Variants in OR10R2 observed in about 807,000 individuals in gnomAD.
OR10R2 encodes olfactory receptor family 10 subfamily R member 2, also known as olfactory receptor 10R2.
OR10R2 carries 1 observed loss-of-function variant against 2.4 expected under a neutral mutation model. The observed-to-expected ratio is 0.41, with a 90% CI of 0.15 to 1.95. The LOEUF is 1.95. Among genes scored for constraint, OR10R2 ranks in the 30% most tolerant of loss-of-function variants. The pLI is 0.30. For synonymous variants in OR10R2, 166 were observed against 144.8 expected (o/e 1.15, Z -1.05); for missense variants, 419 against 373.0 (o/e 1.12, Z -1.01).
At chr1:158,478,471 G>A (rs1656313412) in intron 1 of OR10R2, among the ~76,000 whole-genome samples, 1 of 152,078 alleles carries the variant, frequency 6.6e-6, no homozygotes, top group South Asian at 2.1e-4. Context: ...TGACTAAAAA[G>A]TATTCTTGTC....
At chr1:158,475,887 A>C (rs966304076) in intron 1 of OR10R2, among the ~76,000 whole-genome samples, 5 of 151,976 alleles carry the variant, frequency 3.3e-5, no homozygotes, top group Admixed American at 6.5e-5. Context: ...TTAAACTGAT[A>C]TTTAAAATGT....
At position 158,480,448 on chromosome 1, in the gene OR10R2, GC is replaced by G. The variant is rs1557877092; in HGVS notation, c.540del (p.Asn181ThrfsTer27). 6.2e-7 allele frequency: 1 copy of G among 1,612,982 alleles called. No individual in the cohort carries two copies. Among genetic ancestry groups the G allele is most frequent in the African/African-American group, 1.3e-5 (1 of 74,834 alleles). ...AGTTTTCAGCCTCCCTTTTTGTAGC[GC>G]CAACAAAGTCAATCATTACTTCTGT... is the stretch of plus-strand genomic sequence containing the variant. On this transcript the variant is annotated frameshift_variant, in exon 2 of 2. Coordinates refer to ENST00000641067, the Ensembl canonical transcript of OR10R2. LOFTEE classifies it low-confidence loss of function (END_TRUNC).
chr1:158,480,682 A>G, exon 2 of OR10R2: 4 of 1,613,676 alleles, frequency 2.5e-6, no homozygotes, highest in Non-Finnish European at 2.5e-6. Context: ...CAGTGTTGTT[A>G]TTGTTCATTA....
intron 1 of OR10R2, among the ~76,000 whole-genome samples, chr1:158,476,224 G>GT (rs1294486257): frequency 6.6e-6 from 1 of 152,016 alleles, no homozygotes; most frequent in Non-Finnish European, 1.5e-5. Flanking sequence ...TTGCTCAAAT[G>GT]TACAGACAGG....
chr1:158,473,581 A>AC (rs1656203303), intron 1 of OR10R2, among the ~76,000 whole-genome samples: 1 of 152,236 alleles, frequency 6.6e-6, no homozygotes, highest in South Asian at 2.1e-4. Flanking sequence ...TTGTTATAAG[A>AC]CATGGCTCTT....
exon 2 of OR10R2, chr1:158,480,115 T>C: frequency 1.2e-6 from 2 of 1,613,046 alleles, no homozygotes; most frequent in Non-Finnish European, 1.7e-6. Flanking sequence ...CACACCAATG[T>C]ACTTCTTCCT....
chr1:158,480,772 A>G (rs567671220), exon 2 of OR10R2: 17 of 1,613,456 alleles, frequency 1.1e-5, no homozygotes, highest in African/African-American at 6.7e-5. Flanking sequence ...GGTGACATAC[A>G]CGATTGTCAC....
exon 2 of OR10R2, chr1:158,479,960 T>C (rs1269686532): frequency 6.2e-7 from 1 of 1,613,950 alleles, no homozygotes; most frequent in Non-Finnish European, 8.5e-7. Flanking sequence ...AACCTCACCA[T>C]GGTCACCGAA....
chr1:158,472,318 G>A (rs1349990011), exon 1 of OR10R2: 2 of 398,890 alleles, frequency 5.0e-6, no homozygotes, highest in African/African-American at 2.1e-5. Context: ...CCATACAGAA[G>A]AGGCACAATG....
At chr1:158,475,145 C>A (rs574387666) in intron 1 of OR10R2, among the ~76,000 whole-genome samples, 1 of 152,094 alleles carries the variant, frequency 6.6e-6, no homozygotes, top group Admixed American at 6.5e-5. Flanking sequence ...TACCCAAAGC[C>A]AAGTTACCTT....
At chr1:158,480,111 A>G in exon 2 of OR10R2, 1 of 1,613,644 alleles carries the variant, frequency 6.2e-7, no homozygotes. Flanking sequence ...TCCACACACC[A>G]ATGTACTTCT....
At chr1:158,479,833 G>A in intron 1 of OR10R2, 105 bp from the exon 2 acceptor site, 1 of 1,216,200 alleles carries the variant, frequency 8.2e-7, no homozygotes, top group South Asian at 1.4e-5. Flanking sequence ...GTGAATAAAA[G>A]GCAAGATTCT....
rs185062168 is a variant in OR10R2, at chr1:158,474,844, C to T, written c.27+2492C>T. 2.9e-4 allele frequency among the ~76,000 whole-genome samples: 44 copies of T among 152,090 alleles called. 1 individual carries two copies. Among genetic ancestry groups the T allele is most frequent in the Middle Eastern group, 3.4e-3 (1 of 294 alleles). On this transcript the variant is annotated intron_variant, in intron 1 of 1. Transcript: ENST00000641067. ...AATTTAAAAACTGCTGGGGTTGAAACCTAATTTGATTCTATAACCTCAGTG... is the reference window on the plus strand; with the variant it reads ...AATTTAAAAACTGCTGGGGTTGAAATCTAATTTGATTCTATAACCTCAGTG...
chr1:158,476,902 C>T (rs115233405), intron 1 of OR10R2, among the ~76,000 whole-genome samples: 1 of 151,938 alleles, frequency 6.6e-6, no homozygotes, highest in African/African-American at 2.4e-5. Context: ...CTGTTCATAT[C>T]CTTTGCACAT....
Position 158,477,181 on chromosome 1 carries a change from C to T in OR10R2, c.28-2757C>T, listed in dbSNP as rs1016140390. On this transcript the variant is annotated intron_variant, in intron 1 of 1. Transcript: ENST00000641067. The stretch of plus-strand genomic sequence containing the variant: ...CCTCAACAGACTAGGCTTTAAGGAA[C>T]ATATCTCAAAATAATAAGAGCCATC... Among the ~76,000 whole-genome samples, 10 of 152,248 alleles carry T rather than the reference C, an allele frequency of 6.6e-5. No individual in the cohort carries two copies. The South Asian group carries it at 1.4e-3, about 22-fold the overall frequency.
exon 2 of OR10R2, chr1:158,480,517 G>T: frequency 6.2e-7 from 1 of 1,613,582 alleles, no homozygotes; most frequent in Non-Finnish European, 8.5e-7. Flanking sequence ...CAACACAGAT[G>T]TTAACGAATT....
chr1:158,480,661 G>T, exon 2 of OR10R2: 1 of 1,613,752 alleles, frequency 6.2e-7, no homozygotes, highest in Non-Finnish European at 8.5e-7. Context: ...TTCCACCTGC[G>T]CCTCTCACCT....
intron 1 of OR10R2, among the ~76,000 whole-genome samples, chr1:158,474,018 CCTCTCTTTCTTCTTTCTTT>C (rs1311611182): frequency 2.1e-5 from 3 of 145,238 alleles, no homozygotes; most frequent in Non-Finnish European, 4.5e-5. Flanking sequence ...TCCCTTTCTT[CCTCTCTTTCTTCTTTCTTT>C]CTTTCTTTCT....
chr1:158,475,529 A>G (rs1182757344), intron 1 of OR10R2, among the ~76,000 whole-genome samples: 1 of 151,834 alleles, frequency 6.6e-6, no homozygotes, highest in African/African-American at 2.4e-5. Flanking sequence ...TATATGTTTG[A>G]TGCATTCTAT....
Sources: allele counts gnomAD v4.1 joint callset (sites outside exome capture counted in the v4.1 genomes callset), GRCh38; gene constraint gnomAD v4.1.1; transcripts MANE v1.5; gene names NCBI Gene and HGNC (gene_info 2026-07-23, HGNC 2026-07-21).